KIN: variants seen among roughly 807,000 people sequenced by gnomAD.
KIN encodes the protein DNA/RNA-binding protein KIN17.
KIN carries 47 observed loss-of-function variants against 63.0 expected under a neutral mutation model. That is an observed-to-expected ratio of 0.75 (90% confidence interval 0.59 to 0.95). The LOEUF (loss-of-function observed/expected upper bound fraction) is 0.95. Among genes scored for constraint, KIN ranks in the 40% least tolerant of loss-of-function variants. KIN has a pLI of 0.00. For synonymous variants in KIN, 160 were observed against 157.7 expected (o/e 1.01, Z -0.11); for missense variants, 408 against 460.9 (o/e 0.89, Z 1.05).
intron 11 of KIN, 64 bp downstream of exon 11, chr10:7,762,393 G>C: frequency 1.1e-6 from 1 of 873,428 alleles, no homozygotes; most frequent in Non-Finnish European, 1.9e-6. Context: ...AAAATACAGT[G>C]GTTTGAAAAT....
chr10:7,773,706 C>G (rs978080268), intron 7 of KIN, among the ~76,000 whole-genome samples: 2 of 152,082 alleles, frequency 1.3e-5, no homozygotes, highest in Non-Finnish European at 2.9e-5. Context: ...AAACAATGAC[C>G]TACAAACAAA....
chr10:7,752,939 G>A lies in KIN; in HGVS notation c.*3141C>T, dbSNP rs1835266124. On this transcript the variant is annotated 3_prime_UTR_variant, in exon 13 of 13. Coordinates refer to ENST00000379562, the MANE Select transcript of KIN (RefSeq NM_012311.4). The stretch of plus-strand genomic sequence containing the variant: ...TTTGGGGGGAGACAGGGAACAGACA[G>A]AACACAGGAAACTTCTAGGGCAGTG... The A allele has an allele frequency of 6.6e-6, 1 of 152,162 alleles. No homozygotes were observed. The highest frequency in any genetic ancestry group is 2.4e-5 in the African/African-American group (1 of 41,428). The allele number at this position is 152,162 out of a possible 1,614,324, so 9.4% of individuals were successfully genotyped here.
chr10:7,768,682 C>A (rs934359233), intron 8 of KIN, among the ~76,000 whole-genome samples: 1 of 152,156 alleles, frequency 6.6e-6, no homozygotes, highest in African/African-American at 2.4e-5. Context: ...CTGACCGTAA[C>A]AAGCGCAGGG....
intron 8 of KIN, among the ~76,000 whole-genome samples, chr10:7,766,945 C>T (rs993789284): frequency 2.3e-4 from 35 of 151,768 alleles, no homozygotes; most frequent in Non-Finnish European, 4.7e-4. Flanking sequence ...TTGCTTGAAC[C>T]CTGTGAGGCG....
At position 7,785,209 on chromosome 10, in the gene KIN, G is replaced by A. The variant is rs563012779; in HGVS notation, c.115-2034C>T. 1.1e-4 allele frequency among the ~76,000 whole-genome samples: 16 copies of A among 147,490 alleles called. No individual in the cohort carries two copies. In the East Asian group the frequency reaches 2.7e-3, roughly 25 times the overall value. On this transcript the variant is annotated intron_variant, in intron 1 of 12. Coordinates refer to ENST00000379562, the MANE Select transcript of KIN (RefSeq NM_012311.4). ...CAAGGTTGCAGTGAGCCATGATCGC[G>A]CCACTGTACACGAGCCTGGGCTACC...
Position 7,766,088 on chromosome 10 carries a change from T to A in KIN, c.814A>T (p.Lys272Ter). 5.0e-6 allele frequency: 8 copies of A among 1,610,514 alleles called. No individual in the cohort carries two copies. Among genetic ancestry groups the A allele is most frequent in the Non-Finnish European group, 5.9e-6 (7 of 1,177,606 alleles). Residue 272 changes from lysine to a stop codon, truncating the protein, a stop_gained, in exon 9 of 13, where the codon AAA becomes TAA. Transcript: ENST00000379562. LOFTEE classifies it high-confidence loss of function. ...CAGTAGTCTGTTCGGGCAGTTCTTTTCTTTTCCTCTTCAATCTGTAGAACA... is the reference window on the plus strand; with the variant it reads ...CAGTAGTCTGTTCGGGCAGTTCTTTACTTTTCCTCTTCAATCTGTAGAACA... ...DEIMEIEEEK[K>*]RTARTDYWLQ...
chr10:7,758,067 A>G (rs1275249992), intron 12 of KIN, among the ~76,000 whole-genome samples: 3 of 146,632 alleles, frequency 2.0e-5, no homozygotes, highest in Non-Finnish European at 3.0e-5. Context: ...AAAAATTAGG[A>G]GACAGATTCC....
intron 12 of KIN, among the ~76,000 whole-genome samples, chr10:7,758,606 A>C (rs1306546352): frequency 6.6e-6 from 1 of 152,102 alleles, no homozygotes; most frequent in Admixed American, 6.5e-5. Flanking sequence ...CTGAGATGAA[A>C]ACATGAAACA....
chr10:7,759,999 G>A lies in KIN; in HGVS notation c.1019-9C>T, dbSNP rs1211780300. ...AACTAGAATTCTTTTTCCTATGATGGAAAAGAATATAAAAATTAATGTGAA... is the reference window on the plus strand; with the variant it reads ...AACTAGAATTCTTTTTCCTATGATGAAAAAGAATATAAAAATTAATGTGAA... On this transcript the variant is annotated splice_polypyrimidine_tract_variant and intron_variant, in intron 11 of 12. Coordinates refer to ENST00000379562, the MANE Select transcript of KIN (RefSeq NM_012311.4). 1.6e-6 allele frequency: 2 copies of A among 1,279,276 alleles called. No homozygotes were observed. The highest frequency in any genetic ancestry group is 1.4e-5 in the South Asian group (1 of 72,388). The allele number at this position is 1,279,276 out of a possible 1,614,324, so 79.2% of individuals were successfully genotyped here.
chr10:7,775,702 TATAA>T, intron 6 of KIN, 45 bp downstream of exon 6: 1 of 1,003,480 alleles, frequency 1.0e-6, no homozygotes. Flanking sequence ...ACAAAGCCAA[TATAA>T]AAGCATCTAT....
At chr10:7,779,564 C>T (rs527775691) in intron 4 of KIN, among the ~76,000 whole-genome samples, 1 of 152,174 alleles carries the variant, frequency 6.6e-6, no homozygotes, top group South Asian at 2.1e-4. Context: ...AAAAGAAAAA[C>T]GGATGGTTGC....
chr10:7,763,675 T>C (rs749301152), intron 10 of KIN, 48 bp downstream of exon 10: 1 of 1,025,804 alleles, frequency 9.7e-7, no homozygotes, highest in East Asian at 2.6e-5. Flanking sequence ...CTTCACTCAG[T>C]GACCCAAGCT....
rs538951355 is a variant in KIN at position 7,767,817 on chromosome 10, C to T, written c.798+1399G>A. Among the ~76,000 whole-genome samples, 162 of 149,166 alleles carry T rather than the reference C, an allele frequency of 1.1e-3. 1 individual carries two copies. The highest frequency in any genetic ancestry group is 3.9e-3 in the African/African-American group (157 of 40,334). The stretch of plus-strand genomic sequence containing the variant: ...GATGGTGCAGGGAGCTGGGATTGCA[C>T]CACTGCACTCCAGCCTGAGTGACAG... On this transcript the variant is annotated intron_variant, in intron 8 of 12. Transcript: ENST00000379562.
intron 7 of KIN, among the ~76,000 whole-genome samples, chr10:7,774,345 C>A (rs1409166094): frequency 6.6e-6 from 1 of 152,134 alleles, no homozygotes; most frequent in African/African-American, 2.4e-5. Flanking sequence ...GCAGATCCAG[C>A]TAACATTTAA....
At chr10:7,771,736 T>C (rs1438801437) in intron 7 of KIN, among the ~76,000 whole-genome samples, 5 of 151,262 alleles carry the variant, frequency 3.3e-5, no homozygotes, top group Non-Finnish European at 7.4e-5. Context: ...CTCCTAAAAA[T>C]ACAAAAAAAT....
rs142076020 is a variant in KIN at position 7,768,469 on chromosome 10, C to G, written c.798+747G>C. Reference sequence around the variant, plus strand: ...CTGGGGAGCGGAGACTGCAGTGAGCCGAGATTGTGCCACTGCACTCTGTCT... The same window carrying G: ...CTGGGGAGCGGAGACTGCAGTGAGCGGAGATTGTGCCACTGCACTCTGTCT... On this transcript the variant is annotated intron_variant, in intron 8 of 12. Transcript: ENST00000379562. Among the ~76,000 whole-genome samples, 1,063 of 151,526 alleles carry G rather than the reference C, an allele frequency of 7.0e-3. 12 individuals are homozygous for G. Among genetic ancestry groups the G allele is most frequent in the African/African-American group, 0.023 (950 of 41,310 alleles).
In KIN at chr10:7,753,201, T is replaced by C. The variant is rs554718004; in HGVS notation, c.*2879A>G. The C allele has an allele frequency of 6.6e-6, 1 of 152,332 alleles. No individual in the cohort carries two copies. The highest frequency in any genetic ancestry group is 2.1e-4 in the South Asian group (1 of 4,832). 9.4% of individuals were successfully genotyped at this position (152,332 alleles called of 1,614,324 possible). A position where few individuals can be genotyped will look rare whatever the true frequency, so the allele number is the denominator to read the frequency against. On this transcript the variant is annotated 3_prime_UTR_variant, in exon 13 of 13. Transcript: ENST00000379562. ...AGGGAAAAAACTACTGTGAAGTCTA[T>C]AATCGTATTTTTATGCTTCAGATAT... is the stretch of plus-strand genomic sequence containing the variant.
In KIN at chr10:7,785,693, T is replaced by C. The variant is rs1835987363; in HGVS notation, c.114+2127A>G. Among the ~76,000 whole-genome samples, 3 of 151,540 alleles carry C rather than the reference T, an allele frequency of 2.0e-5. No individual in the cohort carries two copies. The South Asian group carries it at 6.2e-4, about 32-fold the overall frequency. On this transcript the variant is annotated intron_variant, in intron 1 of 12. Transcript: ENST00000379562. The stretch of plus-strand genomic sequence containing the variant: ...CTGTAATCCCAGCCTGTAAAGTAGC[T>C]GGGACAGCTACTTGGGAGGCTGAGG...
Position 7,769,229 on chromosome 10 carries a change from T to A in KIN, c.785A>T (p.Asp262Val). 6.2e-7 allele frequency: 1 copy of A among 1,612,058 alleles called. No individual in the cohort carries two copies. The highest frequency in any genetic ancestry group is 8.5e-7 in the Non-Finnish European group (1 of 1,179,536). ...CATAAACTGTACCTCCATGATTTCATCCAGTGCAGATTTCTTTTTCTTCTT... is the reference window on the plus strand; with the variant it reads ...CATAAACTGTACCTCCATGATTTCAACCAGTGCAGATTTCTTTTTCTTCTT... ...KEKKKKKSAL[D>V]EIMEIEEEKK... The change falls in exon 8 of 13, where the codon GAT (aspartate) becomes GTT (valine). Residue 262 changes from aspartate (D) to valine (V), a missense_variant. By Grantham distance (152) the Asp-to-Val change is radical. This residue lies in a region of KIN where 298 missense variants were observed against 296.0 expected (regional missense o/e 1.01). Transcript: ENST00000379562.
Sources: allele counts gnomAD v4.1 joint callset (sites outside exome capture counted in the v4.1 genomes callset), GRCh38; gene constraint gnomAD v4.1.1; regional missense constraint gnomAD v4.1.1; transcripts MANE v1.5; gene names NCBI Gene and HGNC (gene_info 2026-07-23, HGNC 2026-07-21).